HPSE2: variants seen among roughly 807,000 people sequenced by gnomAD.
HPSE2 encodes the protein heparanase 2 (inactive).
In HPSE2, 38 loss-of-function variants were observed where a neutral mutation model predicts 60.5. The ratio of observed to expected loss-of-function variants is 0.63; its 90% CI spans 0.48 to 0.82. HPSE2 has a LOEUF of 0.82. Among genes scored for constraint, HPSE2 ranks in the 40% least tolerant of loss-of-function variants. HPSE2 has a pLI of 0.00. For synonymous variants in HPSE2, 295 were observed against 293.2 expected (o/e 1.01, Z -0.06); for missense variants, 713 against 740.4 (o/e 0.96, Z 0.43).
intron 3 of HPSE2, among the ~76,000 whole-genome samples, chr10:98,939,727 C>A (rs1954930618): frequency 7.0e-6 from 1 of 143,876 alleles, no homozygotes; most frequent in Admixed American, 6.9e-5. Flanking sequence ...CTGCACCAAG[C>A]AGACCTAATA....
At chr10:98,561,861 CAA>C in intron 9 of HPSE2, among the ~76,000 whole-genome samples, 1 of 151,616 alleles carries the variant, frequency 6.6e-6, no homozygotes, top group South Asian at 2.1e-4. Context: ...AACAAACAAA[CAA>C]ACAAACAAAA....
At chr10:98,720,520 C>T (rs529815669) in intron 5 of HPSE2, among the ~76,000 whole-genome samples, 2 of 152,086 alleles carry the variant, frequency 1.3e-5, no homozygotes, top group South Asian at 2.1e-4. Flanking sequence ...TACATTGCTG[C>T]CCTGAAACCT....
At chr10:99,039,469 A>C (rs1051038609) in intron 3 of HPSE2, among the ~76,000 whole-genome samples, 38 of 151,754 alleles carry the variant, frequency 2.5e-4, no homozygotes, top group Non-Finnish European at 4.6e-4. Context: ...ATCACTATGT[A>C]AAGTCCTTTA....
intron 9 of HPSE2, among the ~76,000 whole-genome samples, chr10:98,545,327 C>G (rs1312023073): frequency 6.6e-6 from 1 of 152,006 alleles, no homozygotes; most frequent in Non-Finnish European, 1.5e-5. Context: ...ATCCTGATAC[C>G]AAAGCCGGGC....
At chr10:98,991,137 A>G (rs1215846105) in intron 3 of HPSE2, among the ~76,000 whole-genome samples, 1 of 152,198 alleles carries the variant, frequency 6.6e-6, no homozygotes, top group African/African-American at 2.4e-5. Context: ...ATCAAGTGTT[A>G]TAACACATAG....
At chr10:99,160,192 A>G (rs1846769191) in intron 2 of HPSE2, among the ~76,000 whole-genome samples, 1 of 152,046 alleles carries the variant, frequency 6.6e-6, no homozygotes, top group Non-Finnish European at 1.5e-5. Flanking sequence ...TTAAAATTAC[A>G]TATATGATAA....
rs150007509 is a variant in HPSE2, at chr10:98,879,948, C to T, written c.611-135892G>A. Among the ~76,000 whole-genome samples, 764 of 149,980 alleles carry T rather than the reference C, an allele frequency of 5.1e-3. 7 individuals carry two copies. Among genetic ancestry groups the T allele is most frequent in the African/African-American group, 0.018 (732 of 40,938 alleles). On this transcript the variant is annotated intron_variant, in intron 3 of 11. Transcript: ENST00000370552. ...ATGAGTTTTACATTACAGTTGTTTG[C>T]CTTTCTGTACATGACTTTGCCTTCA...
chr10:99,152,800 C>T (rs942260707), intron 2 of HPSE2, among the ~76,000 whole-genome samples: 2 of 152,300 alleles, frequency 1.3e-5, no homozygotes, highest in African/African-American at 2.4e-5. Flanking sequence ...GCGTGAGTGA[C>T]GCAGAAGACG....
chr10:98,535,247 G>C (rs937101477), intron 9 of HPSE2, among the ~76,000 whole-genome samples: 1 of 151,880 alleles, frequency 6.6e-6, no homozygotes, highest in African/African-American at 2.4e-5. Flanking sequence ...CATCCAATTT[G>C]ATTTACATCT....
chr10:99,216,826 A>G (rs1243141856), intron 2 of HPSE2, among the ~76,000 whole-genome samples: 1 of 152,124 alleles, frequency 6.6e-6, no homozygotes, highest in East Asian at 1.9e-4. Flanking sequence ...TTTCTCATCT[A>G]TCTGAACTCC....
intron 1 of HPSE2, 119 bp downstream of exon 1, chr10:99,235,394 T>A: frequency 1.0e-6 from 1 of 959,972 alleles, no homozygotes. Context: ...CCTCTTTTCT[T>A]CTCTTTGAGA....
intron 2 of HPSE2, among the ~76,000 whole-genome samples, chr10:99,156,498 A>G (rs1158226422): frequency 5.9e-4 from 78 of 131,930 alleles, no homozygotes; most frequent in Middle Eastern, 3.7e-3. Flanking sequence ...AAAGACAAAA[A>G]CCACATGATT....
chr10:99,236,426 T>C (rs1210361407), upstream of HPSE2, among the ~76,000 whole-genome samples: 1 of 152,046 alleles, frequency 6.6e-6, no homozygotes, highest in Non-Finnish European at 1.5e-5. Flanking sequence ...CACGCTTGTT[T>C]CTCCTGACAG....
At chr10:99,251,764 T>G in the HPSE2 span, among the ~76,000 whole-genome samples, 1 of 147,806 alleles carries the variant, frequency 6.8e-6, no homozygotes, top group Non-Finnish European at 1.5e-5. Flanking sequence ...GTGGTTCACA[T>G]CTGTAATTCC....
intron 6 of HPSE2, among the ~76,000 whole-genome samples, chr10:98,655,993 C>T (rs1947051327): frequency 6.6e-6 from 1 of 151,844 alleles, no homozygotes; most frequent in Admixed American, 6.6e-5. Context: ...GAATGTTGTC[C>T]AACAGATGTG....
intron 5 of HPSE2, among the ~76,000 whole-genome samples, chr10:98,701,722 A>C (rs893015648): frequency 6.6e-6 from 1 of 152,154 alleles, no homozygotes; most frequent in Non-Finnish European, 1.5e-5. Context: ...TTCATAAATG[A>C]AGGAGAAATA....
At chr10:99,290,752 T>C in the HPSE2 span, among the ~76,000 whole-genome samples, 2,286 of 152,286 alleles carry the variant, frequency 0.015, 54 homozygotes, top group African/African-American at 0.052. Flanking sequence ...AGTTTAATGG[T>C]AACAGAAGCT....
intron 3 of HPSE2, among the ~76,000 whole-genome samples, chr10:98,858,554 C>T (rs189065301): frequency 6.6e-6 from 1 of 152,170 alleles, no homozygotes; most frequent in East Asian, 1.9e-4. Flanking sequence ...AACAGTGGGC[C>T]TGTATATGAG....
chr10:98,576,472 A>C (rs539439146), intron 9 of HPSE2, among the ~76,000 whole-genome samples: 2 of 152,276 alleles, frequency 1.3e-5, no homozygotes, highest in South Asian at 4.1e-4. Context: ...ACTCAATAAT[A>C]TACCAAAAAC....
Sources: allele counts gnomAD v4.1 joint callset (sites outside exome capture counted in the v4.1 genomes callset), GRCh38; gene constraint gnomAD v4.1.1; transcripts MANE v1.5; gene names NCBI Gene and HGNC (gene_info 2026-07-23, HGNC 2026-07-21).